The following LIG3 variants were observed in gnomAD, a reference collection of about 807,000 sequenced individuals.
LIG3 encodes the protein DNA ligase 3, also known as ligase II, DNA, ATP-dependent.
In LIG3, 58 loss-of-function variants were observed where a neutral mutation model predicts 110.9. The observed-to-expected ratio is 0.52, with a 90% CI of 0.42 to 0.65. The LOEUF (loss-of-function observed/expected upper bound fraction) is 0.65, where lower values mean the gene tolerates loss of function less well. LIG3 is among the 30% of genes least tolerant of loss of function. The probability of loss-of-function intolerance (pLI) is 0.00; values close to 1 mark genes in which losing one functional copy is unlikely to be tolerated. For missense variants in LIG3, 1,094 were observed against 1,273.8 expected (o/e 0.86, Z 2.15); for synonymous variants, 422 against 472.8 (o/e 0.89, Z 1.39).
In LIG3 at chr17:35,007,954, T is replaced by C. The variant is rs1044492420; in HGVS notation, c.*3448T>C. 8 of 152,256 alleles carry C rather than the reference T, an allele frequency of 5.3e-5. No individual in the cohort carries two copies. Among genetic ancestry groups the C allele is most frequent in the African/African-American group, 1.9e-4 (8 of 41,456 alleles). The allele number at this position is 152,256 out of a possible 1,614,324, so 9.4% of individuals were successfully genotyped here. A position where few individuals can be genotyped will look rare whatever the true frequency, so the allele number is the denominator to read the frequency against. On this transcript the variant is annotated 3_prime_UTR_variant, in exon 20 of 20. Transcript: ENST00000378526. ...CCACGTTTCGCCATGTTGTCCAGAC[T>C]GGTCTCAAACTCCTGGCCTCGAGTC...
At position 35,004,553 on chromosome 17, in the gene LIG3, C is replaced by A; in HGVS notation, c.*47C>A. 6.6e-7 allele frequency: 1 copy of A among 1,515,162 alleles called. No individual in the cohort carries two copies. The highest frequency in any genetic ancestry group is 9.2e-7 in the Non-Finnish European group (1 of 1,092,764). The allele number at this position is 1,515,162 out of a possible 1,614,324, so 93.9% of individuals were successfully genotyped here. The stretch of plus-strand genomic sequence containing the variant: ...TCAGGCCATACTCTCCTTTACCATA[C>A]TACTGGACTGGACTCAGGCTGGAGG... On this transcript the variant is annotated 3_prime_UTR_variant, in exon 20 of 20. Transcript: ENST00000378526.
At chr17:34,992,156 C>T in intron 7 of LIG3, 121 bp downstream of exon 7, 1 of 822,986 alleles carries the variant, frequency 1.2e-6, no homozygotes. Context: ...TTCTTACTTT[C>T]TGTGAGACCC....
At chr17:34,996,416 C>A in intron 10 of LIG3, 158 bp from the exon 11 acceptor site, 1 of 783,240 alleles carries the variant, frequency 1.3e-6, no homozygotes. Context: ...CCATTTAGCA[C>A]TATCTGCTCA....
In LIG3 at chr17:34,992,567, TC is replaced by T. The variant is rs772416004; in HGVS notation, c.1331del (p.Ser444CysfsTer28). 1.4e-5 allele frequency: 22 copies of T among 1,612,964 alleles called. No individual in the cohort carries two copies. Among genetic ancestry groups the T allele is most frequent in the Non-Finnish European group, 1.9e-5 (22 of 1,179,506 alleles). Reference protein sequence around the residue: ...DPNAYEAFKASRNLQDVVERV... With the variant: ...DPNAYEAFKAXRNLQDVVERV... ...CAATGCCTATGAAGCCTTCAAAGCC[TC>T]GCGCAACCTGCAGGATGTGGTGGAG... On this transcript the variant is annotated frameshift_variant, in exon 8 of 20. Transcript: ENST00000378526. LOFTEE classifies it high-confidence loss of function.
chr17:34,992,110 T>C lies in LIG3; in HGVS notation c.1286+75T>C, dbSNP rs896960822. The C allele has an allele frequency of 6.1e-6, 8 of 1,308,866 alleles. No homozygotes were observed. The African/African-American group carries it at 8.7e-5, about 14-fold the overall frequency. The allele number at this position is 1,308,866 out of a possible 1,614,324, so 81.1% of individuals were successfully genotyped here. A position where few individuals can be genotyped will look rare whatever the true frequency, so the allele number is the denominator to read the frequency against. On this transcript the variant is annotated intron_variant, in intron 7 of 19. Transcript: ENST00000378526. ...TTGTTCCCAACTGGTGTCAGGACTT[T>C]TGAGTCCCAGTCAGGATTTGAATCC...
Position 34,992,582 on chromosome 17 carries a change from G to C in LIG3, c.1345G>C (p.Asp449His). 6.2e-7 allele frequency: 1 copy of C among 1,613,814 alleles called. No individual in the cohort carries two copies. Among genetic ancestry groups the C allele is most frequent in the Non-Finnish European group, 8.5e-7 (1 of 1,179,878 alleles). ...CTTCAAAGCCTCGCGCAACCTGCAG[G>C]ATGTGGTGGAGCGGGTCCTTCACAA... ...EAFKASRNLQ[D>H]VVERVLHNAQ... The change falls in exon 8 of 20, where the codon GAT becomes CAT. Residue 449 changes from aspartate (D) to histidine (H), a missense_variant. Transcript: ENST00000378526.
At chr17:35,003,926 G>C (rs1268262505) in intron 19 of LIG3, 2 of 276,486 alleles carry the variant, frequency 7.2e-6, no homozygotes. Context: ...TAGACTGCTT[G>C]GTCTCAGGGG....
At chr17:34,993,332 C>G (rs113433356) in intron 8 of LIG3, among the ~76,000 whole-genome samples, 52 of 152,258 alleles carry the variant, frequency 3.4e-4, no homozygotes, top group African/African-American at 1.2e-3. Flanking sequence ...TTTTTTGAAA[C>G]TGTCTTGTTT....
At chr17:34,999,965 G>A in intron 16 of LIG3, 109 bp downstream of exon 16, 2 of 830,042 alleles carry the variant, frequency 2.4e-6, no homozygotes, top group Non-Finnish European at 3.9e-6. Context: ...CAGGGATAGG[G>A]GTCTGGATTT....
At chr17:34,995,273 G>T (rs541999707) in intron 9 of LIG3, among the ~76,000 whole-genome samples, 1 of 152,318 alleles carries the variant, frequency 6.6e-6, no homozygotes, top group East Asian at 1.9e-4. Context: ...CAAGAGGAAG[G>T]CTAAGCAGTG....
chr17:34,991,122 G>A lies in LIG3; in HGVS notation c.1041+8G>A. On this transcript the variant is annotated splice_region_variant and intron_variant, in intron 5 of 19. Coordinates refer to ENST00000378526, the MANE Select transcript of LIG3 (RefSeq NM_013975.4). ...GCACGGGACCTAGAGCAGGTCAGAG[G>A]AACGGGAGGGAGGGTAGGCTACATT... 6.2e-7 allele frequency: 1 copy of A among 1,613,690 alleles called. No homozygotes were observed. Among genetic ancestry groups the A allele is most frequent in the Non-Finnish European group, 8.5e-7 (1 of 1,179,776 alleles).
intron 16 of LIG3, among the ~76,000 whole-genome samples, chr17:35,000,674 G>C (rs1175996348): frequency 7.0e-6 from 1 of 141,930 alleles, no homozygotes; most frequent in Non-Finnish European, 1.5e-5. Flanking sequence ...GGAGTGCAGT[G>C]GCATGATCTC....
At chr17:34,985,391 T>C (rs1201753516) in intron 2 of LIG3, among the ~76,000 whole-genome samples, 1 of 152,156 alleles carries the variant, frequency 6.6e-6, no homozygotes, top group Non-Finnish European at 1.5e-5. Flanking sequence ...GAAAGAAAAC[T>C]GTGCTTCCCA....
chr17:35,005,879 G>A lies in LIG3; in HGVS notation c.*1373G>A, dbSNP rs1216636201. ...AAAGAAATACCTAGCGAAAAAAACA[G>A]GAAGCATATTGAAGCTCGGACTAGA... On this transcript the variant is annotated 3_prime_UTR_variant, in exon 20 of 20. Transcript: ENST00000378526. The A allele has an allele frequency of 5.7e-6, 2 of 350,914 alleles. No homozygotes were observed. Among genetic ancestry groups the A allele is most frequent in the African/African-American group, 2.1e-5 (1 of 46,854 alleles). 21.7% of individuals were successfully genotyped at this position (350,914 alleles called of 1,614,324 possible).
rs770880186 is a variant in LIG3 at position 34,983,591 on chromosome 17, T to C, written c.547+39T>C. 5 of 1,561,854 alleles carry C rather than the reference T, an allele frequency of 3.2e-6. No homozygotes were observed. In the South Asian group the frequency reaches 5.9e-5, roughly 19 times the overall value. ...CACTGCTTTCTCATCTTACTGGTGC[T>C]GAGAGAAAAAGGGATAAGGAGTTCA... is the stretch of plus-strand genomic sequence containing the variant. On this transcript the variant is annotated intron_variant, in intron 2 of 19. Coordinates refer to ENST00000378526, the MANE Select transcript of LIG3 (RefSeq NM_013975.4).
chr17:35,004,726 G>A lies in LIG3; in HGVS notation c.*220G>A. 1.9e-6 allele frequency: 1 copy of A among 520,452 alleles called. No homozygotes were observed. The highest frequency in any genetic ancestry group is 3.4e-6 in the Non-Finnish European group (1 of 294,984). The allele number at this position is 520,452 out of a possible 1,614,324, so 32.2% of individuals were successfully genotyped here. A position where few individuals can be genotyped will look rare whatever the true frequency, so the allele number is the denominator to read the frequency against. ...GGTTTAAATAGATCTTTCAGAGCTG[G>A]GTGCTGGGTTTGCCATCTTTTTGTT... On this transcript the variant is annotated 3_prime_UTR_variant, in exon 20 of 20. Coordinates refer to ENST00000378526, the MANE Select transcript of LIG3 (RefSeq NM_013975.4).
At position 35,008,794 on chromosome 17, in the gene LIG3, G is replaced by C. The variant is rs2090915291; in HGVS notation, c.*4288G>C. On this transcript the variant is annotated 3_prime_UTR_variant, in exon 20 of 20. Transcript: ENST00000378526. ...CTACAGGCACCCGCCACCACGCCTG[G>C]CTAATTTTTTGTATTTTTAGTAGAG... 2 of 152,152 alleles carry C rather than the reference G, an allele frequency of 1.3e-5. No homozygotes were observed. Among genetic ancestry groups the C allele is most frequent in the African/African-American group, 4.8e-5 (2 of 41,430 alleles). The allele number at this position is 152,152 out of a possible 1,614,324, so 9.4% of individuals were successfully genotyped here.
chr17:35,001,122 T>G (rs2090836330), intron 16 of LIG3, 135 bp from the exon 17 acceptor site: 1 of 856,186 alleles, frequency 1.2e-6, no homozygotes, highest in African/African-American at 1.7e-5. Context: ...GCCAGGCTGG[T>G]CTCAAACTCC....
At chr17:34,995,291 T>A (rs2090766688) in intron 9 of LIG3, among the ~76,000 whole-genome samples, 1 of 152,196 alleles carries the variant, frequency 6.6e-6, no homozygotes, top group Admixed American at 6.5e-5. Context: ...GTGGCCTCAT[T>A]GTGGAGCTTT....
Sources: allele counts gnomAD v4.1 joint callset (sites outside exome capture counted in the v4.1 genomes callset), GRCh38; gene constraint gnomAD v4.1.1; transcripts MANE v1.5; gene names NCBI Gene and HGNC (gene_info 2026-07-23, HGNC 2026-07-21).